RBFOX3: variants seen among roughly 807,000 people sequenced by gnomAD.
RBFOX3 encodes the protein RNA binding protein fox-1 homolog 3.
Under a neutral mutation model 48.7 loss-of-function variants are expected in RBFOX3, and 17 were observed. That is an observed-to-expected ratio of 0.35 (90% CI 0.24 to 0.52). RBFOX3 has a LOEUF of 0.52. Ranked by LOEUF, RBFOX3 falls within the 20% of genes least tolerant of loss-of-function variation. RBFOX3 has a pLI of 0.94. For missense variants in RBFOX3, 382 were observed against 497.5 expected (o/e 0.77, Z 2.21); for synonymous variants, 212 against 209.5 (o/e 1.01, Z -0.10).
At chr17:79,568,219 G>A (rs2092540055) in intron 1 of RBFOX3, among the ~76,000 whole-genome samples, 1 of 152,152 alleles carries the variant, frequency 6.6e-6, no homozygotes. Flanking sequence ...CCCCCACTAA[G>A]CAACACTATG....
chr17:79,169,340 G>C (rs561022127), intron 4 of RBFOX3, among the ~76,000 whole-genome samples: 1 of 152,106 alleles, frequency 6.6e-6, no homozygotes, highest in Non-Finnish European at 1.5e-5. Flanking sequence ...TCCATATAGG[G>C]GAAGGGCAGG....
chr17:79,251,525 G>A (rs2063954919), intron 3 of RBFOX3, among the ~76,000 whole-genome samples: 1 of 152,158 alleles, frequency 6.6e-6, no homozygotes, highest in South Asian at 2.1e-4. Context: ...GCCCACCCAA[G>A]TTGCCTCTAG....
At chr17:79,555,324 G>A (rs1389806298) in intron 1 of RBFOX3, among the ~76,000 whole-genome samples, 2 of 43,250 alleles carry the variant, frequency 4.6e-5, no homozygotes, top group Admixed American at 2.4e-4. Flanking sequence ...TGGTGGTGGT[G>A]ATGGTGGTGA....
intron 1 of RBFOX3, among the ~76,000 whole-genome samples, chr17:79,515,524 A>G (rs1446403945): frequency 1.3e-5 from 2 of 152,204 alleles, no homozygotes; most frequent in African/African-American, 4.8e-5. Flanking sequence ...CAGCACATAG[A>G]AAAAACGAGA....
chr17:79,543,607 C>G (rs888246258), intron 1 of RBFOX3, among the ~76,000 whole-genome samples: 1 of 152,032 alleles, frequency 6.6e-6, no homozygotes, highest in Non-Finnish European at 1.5e-5. Context: ...TCAGGGCCTC[C>G]GAGGAAAAGG....
chr17:79,466,276 A>G (rs2076301233), intron 2 of RBFOX3, among the ~76,000 whole-genome samples: 1 of 152,194 alleles, frequency 6.6e-6, no homozygotes, highest in Admixed American at 6.5e-5. Context: ...CTGGTTGAGC[A>G]TCACAAAGCC....
chr17:79,653,439 C>A, the RBFOX3 span, among the ~76,000 whole-genome samples: 2 of 151,790 alleles, frequency 1.3e-5, no homozygotes, highest in African/African-American at 2.4e-5. Context: ...GAAAGTTGTA[C>A]AACAAAAAAG....
chr17:79,260,482 C>T (rs921041831), intron 3 of RBFOX3, among the ~76,000 whole-genome samples: 1 of 152,214 alleles, frequency 6.6e-6, no homozygotes, highest in Admixed American at 6.5e-5. Context: ...GAAAGAGCCA[C>T]GAGGTGCCCA....
At chr17:79,156,441 G>A (rs72856409) in intron 4 of RBFOX3, among the ~76,000 whole-genome samples, 30,221 of 152,108 alleles carry the variant, frequency 0.2, 4,664 homozygotes, top group African/African-American at 0.43. Flanking sequence ...ACACACTGCG[G>A]GGGCAGGGGA....
chr17:79,295,080 C>G (rs968927306), intron 3 of RBFOX3, among the ~76,000 whole-genome samples: 2 of 152,060 alleles, frequency 1.3e-5, no homozygotes, highest in Non-Finnish European at 2.9e-5. Context: ...GCTCTCGGCC[C>G]GGGTCAGAGA....
chr17:79,620,903 G>A, the RBFOX3 span, among the ~76,000 whole-genome samples: 87 of 152,168 alleles, frequency 5.7e-4, no homozygotes, highest in African/African-American at 2.0e-3. Context: ...CATCACACCC[G>A]ATCTCATTTC....
chr17:79,182,292 G>A (rs545108414), intron 4 of RBFOX3, among the ~76,000 whole-genome samples: 1 of 152,278 alleles, frequency 6.6e-6, no homozygotes, highest in Admixed American at 6.5e-5. Context: ...AGAGGGTGAG[G>A]GTGGGAACCG....
chr17:79,202,186 T>A (rs2146860206), intron 4 of RBFOX3, among the ~76,000 whole-genome samples: 1 of 152,182 alleles, frequency 6.6e-6, no homozygotes, highest in South Asian at 2.1e-4. Context: ...GGGTGTGGTG[T>A]GATCCCTGCA....
chr17:79,255,308 C>T (rs762853638), intron 3 of RBFOX3, among the ~76,000 whole-genome samples: 4 of 151,578 alleles, frequency 2.6e-5, no homozygotes, highest in East Asian at 1.9e-4. Flanking sequence ...GTGACGGTGC[C>T]GTAGACTCAC....
At chr17:79,596,203 C>T (rs999920771) in intron 1 of RBFOX3, among the ~76,000 whole-genome samples, 4 of 152,340 alleles carry the variant, frequency 2.6e-5, no homozygotes, top group Non-Finnish European at 4.4e-5. Context: ...CAATTGCACA[C>T]GCTCCAAGGT....
At chr17:79,366,630 C>A (rs978123331) in intron 2 of RBFOX3, among the ~76,000 whole-genome samples, 1 of 152,166 alleles carries the variant, frequency 6.6e-6, no homozygotes, top group Non-Finnish European at 1.5e-5. Flanking sequence ...CGTGCACAGT[C>A]GATCCCAGCC....
chr17:79,279,824 T>C (rs2069829648), intron 3 of RBFOX3, among the ~76,000 whole-genome samples: 1 of 152,020 alleles, frequency 6.6e-6, no homozygotes, highest in South Asian at 2.1e-4. Flanking sequence ...CAGGTTAGTG[T>C]TTGTCACTGA....
At chr17:79,595,471 C>T (rs2093544055) in intron 1 of RBFOX3, among the ~76,000 whole-genome samples, 2 of 152,204 alleles carry the variant, frequency 1.3e-5, no homozygotes, top group African/African-American at 2.4e-5. Context: ...ACGGTTCTGC[C>T]GTCTTTCTTT....
At chr17:79,296,305 C>CACCA (rs1056663675) in intron 3 of RBFOX3, among the ~76,000 whole-genome samples, 4 of 130,400 alleles carry the variant, frequency 3.1e-5, no homozygotes, top group African/African-American at 1.0e-4. Context: ...CACACACACA[C>CACCA]CACACACACA....
Sources: gnomAD v4.1 joint callset for allele counts (sites outside exome capture counted in the v4.1 genomes callset) on GRCh38, gnomAD v4.1.1 for gene constraint, MANE v1.5 for transcripts, NCBI Gene and HGNC (gene_info 2026-07-23, HGNC 2026-07-21) for gene names.